Variants in TTYH2 observed in about 807,000 individuals in gnomAD.
TTYH2 encodes tweety family member 2.
A neutral mutation model predicts 68.3 loss-of-function variants in TTYH2; 49 were observed. The ratio of observed to expected loss-of-function variants is 0.72; its 90% CI spans 0.57 to 0.91. The LOEUF is 0.91. Among genes scored for constraint, TTYH2 ranks in the 40% least tolerant of loss-of-function variants. The pLI is 0.00. For missense variants in TTYH2, 631 were observed against 700.4 expected (o/e 0.90, Z 1.12); for synonymous variants, 272 against 300.8 (o/e 0.90, Z 0.99).
Position 74,243,441 on chromosome 17 carries a change from G to T in TTYH2, c.703G>T (p.Ala235Ser). ...VICLIACLGL[A>S]KRSKCLLASM... ...CTGCCTCATTGCCTGCCTGGGACTG[G>T]CCAAGCGCTCCAAGTGTCTCCTGGC... The change falls in exon 5 of 14, where the codon GCC becomes TCC. Residue 235 changes from alanine (A) to serine (S), a missense_variant. Physicochemically the swap from Ala to Ser is moderately conservative, Grantham distance 99. Transcript: ENST00000269346. 2.5e-6 allele frequency: 4 copies of T among 1,614,148 alleles called. No individual in the cohort carries two copies. The highest frequency in any genetic ancestry group is 3.4e-6 in the Non-Finnish European group (4 of 1,180,026).
In TTYH2 at chr17:74,243,449, C is replaced by T. The variant is rs1279501230; in HGVS notation, c.711C>T (p.Arg237=). The T allele has an allele frequency of 4.3e-6, 7 of 1,614,200 alleles. No homozygotes were observed. Among genetic ancestry groups the T allele is most frequent in the Non-Finnish European group, 5.9e-6 (7 of 1,180,028 alleles). ...CLIACLGLAK[R]SKCLLASMLC... ...TTGCCTGCCTGGGACTGGCCAAGCG[C>T]TCCAAGTGTCTCCTGGCCTCGTGAG... The change falls in exon 5 of 14, where the codon CGC becomes CGT. Residue 237 remains arginine, a synonymous_variant. Coordinates refer to ENST00000269346, the MANE Select transcript of TTYH2 (RefSeq NM_032646.6).
intron 10 of TTYH2, among the ~76,000 whole-genome samples, chr17:74,251,399 C>A (rs540697224): frequency 6.6e-6 from 1 of 151,220 alleles, no homozygotes; most frequent in Non-Finnish European, 1.5e-5. Flanking sequence ...GGTGTGTGTG[C>A]GTGTATTTAT....
At chr17:74,231,833 T>TAGGGGA (rs1402279426) in intron 3 of TTYH2, among the ~76,000 whole-genome samples, 3 of 151,992 alleles carry the variant, frequency 2.0e-5, no homozygotes, top group Non-Finnish European at 2.9e-5. Flanking sequence ...GTCAGACTCT[T>TAGGGGA]AGGGGAAGGG....
chr17:74,247,435 C>T (rs766030652), intron 6 of TTYH2, among the ~76,000 whole-genome samples: 4 of 152,130 alleles, frequency 2.6e-5, no homozygotes, highest in Non-Finnish European at 5.9e-5. Flanking sequence ...AGTCCCACAC[C>T]CCAAACCATC....
Position 74,261,248 on chromosome 17 carries a change from G to A in TTYH2, c.*1039G>A, listed in dbSNP as rs933161521. On this transcript the variant is annotated 3_prime_UTR_variant, in exon 14 of 14. Coordinates refer to ENST00000269346, the MANE Select transcript of TTYH2 (RefSeq NM_032646.6). ...CTGTCCCAAGCTACTGTTTGGTGGG[G>A]ATCTGGGTTCATCTCACCCACAGAG... is the stretch of plus-strand genomic sequence containing the variant. 9.9e-5 allele frequency: 15 copies of A among 152,164 alleles called. No individual in the cohort carries two copies. The highest frequency in any genetic ancestry group is 1.7e-4 in the African/African-American group (7 of 41,422). 9.4% of individuals were successfully genotyped at this position (152,164 alleles called of 1,614,324 possible). A position where few individuals can be genotyped will look rare whatever the true frequency, so the allele number is the denominator to read the frequency against.
At chr17:74,254,547 C>A (rs182235362) in intron 13 of TTYH2, among the ~76,000 whole-genome samples, 7 of 152,300 alleles carry the variant, frequency 4.6e-5, no homozygotes, top group Admixed American at 4.6e-4. Flanking sequence ...GAGCCAGGCC[C>A]CTAAGTGAAC....
At chr17:74,243,731 G>A (rs1274816360) in intron 5 of TTYH2, among the ~76,000 whole-genome samples, 1 of 152,226 alleles carries the variant, frequency 6.6e-6, no homozygotes, top group Non-Finnish European at 1.5e-5. Context: ...ATGGGTCCGT[G>A]CATGAAAGCC....
At position 74,230,911 on chromosome 17, in the gene TTYH2, A is replaced by C; in HGVS notation, c.326A>C (p.Tyr109Ser). Residue 109 changes from tyrosine (Y) to serine (S), a missense_variant, in exon 3 of 14, where the codon TAT becomes TCT. Physicochemically the swap from Tyr to Ser is moderately radical, Grantham distance 144 (BLOSUM62 -2). Coordinates refer to ENST00000269346, the MANE Select transcript of TTYH2 (RefSeq NM_032646.6). The part of the protein sequence containing the change: ...ICCAAVGVGF[Y>S]GNSETNDGAY... ...AGTGCTGCGGTGGGCGTTGGTTTCT[A>C]TGGAAACAGCGAGACCAACGATGGG... 3.1e-6 allele frequency: 5 copies of C among 1,614,062 alleles called. No individual in the cohort carries two copies. The highest frequency in any genetic ancestry group is 1.3e-5 in the African/African-American group (1 of 75,002).
At chr17:74,246,946 G>T (rs2050564292) in intron 6 of TTYH2, among the ~76,000 whole-genome samples, 1 of 152,082 alleles carries the variant, frequency 6.6e-6, no homozygotes, top group South Asian at 2.1e-4. Context: ...ACTTTGGGAG[G>T]CTGAGGCAGG....
intron 4 of TTYH2, among the ~76,000 whole-genome samples, chr17:74,243,079 G>A (rs2050518032): frequency 6.6e-6 from 1 of 152,260 alleles, no homozygotes; most frequent in Non-Finnish European, 1.5e-5. Flanking sequence ...AGAGTGGACA[G>A]CAGGGATTTA....
Position 74,213,708 on chromosome 17 carries a change from T to C in TTYH2, c.121T>C (p.Tyr41His), listed in dbSNP as rs1336755565. ...NSTFSPGDES[Y>H]QESLLFLGLV... ...CACCTTCAGCCCCGGCGACGAGAGT[T>C]ACCAGGAGGTAAGTTTACGCCGCCC... Residue 41 changes from tyrosine (Y) to histidine (H), a missense_variant, in exon 1 of 14, where the codon TAC becomes CAC. By Grantham distance (83) the Tyr-to-His change is moderately conservative. Transcript: ENST00000269346. The surrounding 1 kb of genome is among the most constrained non-coding windows in gnomAD (Gnocchi z 6.1). 4 of 1,611,258 alleles carry C rather than the reference T, an allele frequency of 2.5e-6. No individual in the cohort carries two copies. Among genetic ancestry groups the C allele is most frequent in the Admixed American group, 1.7e-5 (1 of 59,848 alleles).
chr17:74,243,276 T>C, intron 4 of TTYH2, 98 bp from the exon 5 acceptor site: 2 of 983,382 alleles, frequency 2.0e-6, no homozygotes, highest in Non-Finnish European at 3.3e-6. Flanking sequence ...TAGTAGAGGG[T>C]CCAGTGTGTC....
In TTYH2 at chr17:74,215,132, A is replaced by T. The variant is rs1226414494; in HGVS notation, c.129+1416A>T. On this transcript the variant is annotated intron_variant, in intron 1 of 13. Coordinates refer to ENST00000269346, the MANE Select transcript of TTYH2 (RefSeq NM_032646.6). This position sits in a 1 kb window ranked among gnomAD's most constrained non-coding sequence, Gnocchi z 4.3. ...TCCAGGGAATCTTCCTCTCCCAGAG[A>T]ATGCATGAAAAGAGGCGGATATGAT... 6.6e-6 allele frequency among the ~76,000 whole-genome samples: 1 copy of T among 151,754 alleles called. No individual in the cohort carries two copies. Among genetic ancestry groups the T allele is most frequent in the African/African-American group, 2.4e-5 (1 of 41,216 alleles).
At chr17:74,223,304 G>T (rs745636182) in intron 2 of TTYH2, among the ~76,000 whole-genome samples, 1 of 147,716 alleles carries the variant, frequency 6.8e-6, no homozygotes, top group Admixed American at 6.7e-5. Flanking sequence ...GGGGGTGGGC[G>T]GGGAAGAGAC....
In TTYH2 at chr17:74,222,790, T is replaced by A; in HGVS notation, c.302+133T>A. On this transcript the variant is annotated intron_variant, in intron 2 of 13. Coordinates refer to ENST00000269346, the MANE Select transcript of TTYH2 (RefSeq NM_032646.6). This position sits in a 1 kb window ranked among gnomAD's most constrained non-coding sequence, Gnocchi z 5.2. ...TTGTCCCCAGATGAATGTTGTCCCTTTTTTTTTTTTTACCAAGCATCAGGA... is the reference window on the plus strand; with the variant it reads ...TTGTCCCCAGATGAATGTTGTCCCTATTTTTTTTTTTACCAAGCATCAGGA... 1 of 717,198 alleles carries A rather than the reference T, an allele frequency of 1.4e-6. No homozygotes were observed. The highest frequency in any genetic ancestry group is 1.9e-6 in the Non-Finnish European group (1 of 526,456). The allele number at this position is 717,198 out of a possible 1,614,324, so 44.4% of individuals were successfully genotyped here.
Position 74,222,348 on chromosome 17 carries a change from A to G in TTYH2, c.130-137A>G. ...CCTCTGTTTACAGAGTAGGAGCTTG[A>G]ACCCTAGGTGGAGCTTGGAAGGATG... On this transcript the variant is annotated intron_variant, in intron 1 of 13. Coordinates refer to ENST00000269346, the MANE Select transcript of TTYH2 (RefSeq NM_032646.6). This position sits in a 1 kb window ranked among gnomAD's most constrained non-coding sequence, Gnocchi z 5.2. 1 of 1,054,072 alleles carries G rather than the reference A, an allele frequency of 9.5e-7. No homozygotes were observed. The highest frequency in any genetic ancestry group is 1.3e-6 in the Non-Finnish European group (1 of 751,576). 65.3% of individuals were successfully genotyped at this position (1,054,072 alleles called of 1,614,324 possible). A position where few individuals can be genotyped will look rare whatever the true frequency, so the allele number is the denominator to read the frequency against.
At chr17:74,253,929 T>C in intron 13 of TTYH2, 96 bp downstream of exon 13, 1 of 1,325,696 alleles carries the variant, frequency 7.5e-7, no homozygotes, top group Non-Finnish European at 1.1e-6. Flanking sequence ...CAGAAAAGAA[T>C]GAAACTGTTC....
Position 74,232,299 on chromosome 17 carries a change from C to T in TTYH2, c.414+1300C>T, listed in dbSNP as rs142133817. 8.3e-3 allele frequency among the ~76,000 whole-genome samples: 1,258 copies of T among 152,298 alleles called. 12 individuals carry two copies. Among genetic ancestry groups the T allele is most frequent in the African/African-American group, 0.018 (764 of 41,564 alleles). The stretch of plus-strand genomic sequence containing the variant: ...TAAAGAGACAGCTGTGCTGCTCCTC[C>T]GTGCCCAAGTCAATTGTGGGAGGAG... On this transcript the variant is annotated intron_variant, in intron 3 of 13. Transcript: ENST00000269346. This position sits in a 1 kb window ranked among gnomAD's most constrained non-coding sequence, Gnocchi z 5.1.
chr17:74,225,824 T>A (rs2050323900), intron 2 of TTYH2, among the ~76,000 whole-genome samples: 1 of 151,454 alleles, frequency 6.6e-6, no homozygotes, highest in Non-Finnish European at 1.5e-5. Flanking sequence ...GATCAACCCC[T>A]GTAATGGAGA....
Sources: gnomAD v4.1 joint callset for allele counts (sites outside exome capture counted in the v4.1 genomes callset) on GRCh38, gnomAD v4.1.1 for gene constraint, Gnocchi (gnomAD v3.1) non-coding constraint, MANE v1.5 for transcripts, NCBI Gene and HGNC (gene_info 2026-07-23, HGNC 2026-07-21) for gene names.